EBF2: variants seen among roughly 807,000 people sequenced by gnomAD.
The protein encoded by EBF2 is EBF transcription factor 2.
EBF2 carries 21 observed loss-of-function variants against 72.8 expected under a neutral mutation model. That is an observed-to-expected ratio of 0.29 (90% CI 0.20 to 0.42). EBF2 has a LOEUF of 0.42. EBF2 is among the 10% of genes least tolerant of loss of function. The probability of loss-of-function intolerance (pLI) is 1.00; values close to 1 mark genes in which losing one functional copy is unlikely to be tolerated. For synonymous variants in EBF2, 299 were observed against 274.2 expected, an observed-to-expected ratio of 1.09 and a Z score of -0.89; for missense variants, 637 against 731.2, an observed-to-expected ratio of 0.87 and a Z score of 1.49.
intron 6 of EBF2, among the ~76,000 whole-genome samples, chr8:25,922,767 A>T (rs1803324908): frequency 6.6e-6 from 1 of 152,194 alleles, no homozygotes; most frequent in Non-Finnish European, 1.5e-5. Flanking sequence ...TGAGGCAGAG[A>T]ATTAAATAAA....
chr8:26,033,120 T>C lies in EBF2; in HGVS notation c.516A>G (p.Arg172=), dbSNP rs191826343. The stretch of plus-strand genomic sequence containing the variant: ...TGACTGGGTCCGATGGAGTCTCATT[T>C]CGGTTTCCACAGCTTTTCTTTTCGC... The part of the protein sequence containing the change: ...RCCEKKSCGN[R]NETPSDPVII... Residue 172 remains arginine (R), a synonymous_variant, in exon 6 of 16, where the codon CGA becomes CGG. Transcript: ENST00000520164. The C allele has an allele frequency of 5.6e-5, 91 of 1,614,186 alleles. No individual in the cohort carries two copies. The African/African-American group carries it at 1.1e-3, about 20-fold the overall frequency.
chr8:25,960,871 TC>T (rs1213603822), intron 6 of EBF2, among the ~76,000 whole-genome samples: 1 of 152,226 alleles, frequency 6.6e-6, no homozygotes, highest in Non-Finnish European at 1.5e-5. Flanking sequence ...CTCTTTCAAT[TC>T]CCCTGTGTTA....
intron 14 of EBF2, among the ~76,000 whole-genome samples, chr8:25,852,048 T>C (rs749357962): frequency 1.3e-5 from 2 of 152,202 alleles, no homozygotes; most frequent in African/African-American, 4.8e-5. Flanking sequence ...AAAAACATCT[T>C]ATCCTTAAAG....
intron 6 of EBF2, among the ~76,000 whole-genome samples, chr8:25,911,748 G>A (rs1160942095): frequency 1.3e-5 from 2 of 152,232 alleles, no homozygotes; most frequent in Admixed American, 6.5e-5. Flanking sequence ...GAAAACAAGA[G>A]ACCATGACTT....
intron 14 of EBF2, among the ~76,000 whole-genome samples, chr8:25,855,876 G>A (rs1461039655): frequency 1.3e-5 from 2 of 152,324 alleles, no homozygotes; most frequent in African/African-American, 4.8e-5. Context: ...TAGGTACAGG[G>A]AGGAGGTTTT....
At chr8:25,929,007 A>G (rs991540382) in intron 6 of EBF2, among the ~76,000 whole-genome samples, 1 of 152,328 alleles carries the variant, frequency 6.6e-6, no homozygotes, top group Non-Finnish European at 1.5e-5. Flanking sequence ...TCCACACTCA[A>G]TAACCAGGAG....
At chr8:25,971,283 T>G (rs1163825023) in intron 6 of EBF2, among the ~76,000 whole-genome samples, 2 of 152,062 alleles carry the variant, frequency 1.3e-5, no homozygotes, top group Non-Finnish European at 2.9e-5. Flanking sequence ...GAAAGAGTGA[T>G]GAAAAAATAA....
intron 6 of EBF2, among the ~76,000 whole-genome samples, chr8:25,917,434 A>C (rs1238503879): frequency 1.3e-5 from 2 of 152,168 alleles, no homozygotes; most frequent in Non-Finnish European, 2.9e-5. Context: ...TTCTCACAAA[A>C]TGTCTTTGGA....
chr8:25,957,017 C>T (rs11775931), intron 6 of EBF2, among the ~76,000 whole-genome samples: 45,297 of 152,102 alleles, frequency 0.3, 6,935 homozygotes, highest in Middle Eastern at 0.38. Context: ...TCGAGAATAT[C>T]TGGCAAGGGC....
chr8:25,918,780 G>C (rs1803265243), intron 6 of EBF2, among the ~76,000 whole-genome samples: 1 of 152,160 alleles, frequency 6.6e-6, no homozygotes, highest in Non-Finnish European at 1.5e-5. Flanking sequence ...CATATCCAGA[G>C]GATGGGGTCT....
In EBF2 at chr8:26,033,684, C is replaced by A. The variant is rs187862320; in HGVS notation, c.483-531G>T. The stretch of plus-strand genomic sequence containing the variant: ...TGATGGGTTGATCTGTGCAGCAAAC[C>A]ACCGTGGCACATGTTTACCTGTGTA... On this transcript the variant is annotated intron_variant, in intron 5 of 15. Transcript: ENST00000520164. Among the ~76,000 whole-genome samples the A allele has an allele frequency of 2.6e-5, 4 of 152,184 alleles. No individual in the cohort carries two copies. The East Asian group carries it at 7.7e-4, about 29-fold the overall frequency.
chr8:25,923,097 C>T lies in EBF2; in HGVS notation c.552-14542G>A, dbSNP rs1204294662. ...CTCAAGTGAGCAGCAGGACAGGGTC[C>T]GGAAGCATGGGAAAGAGACAGCCAC... On this transcript the variant is annotated intron_variant, in intron 6 of 15. Coordinates refer to ENST00000520164, the MANE Select transcript of EBF2 (RefSeq NM_022659.4). Among the ~76,000 whole-genome samples the T allele has an allele frequency of 2.6e-5, 4 of 152,120 alleles. No homozygotes were observed. In the East Asian group the frequency reaches 5.8e-4, roughly 22 times the overall value.
At chr8:25,979,587 T>A (rs139953857) in intron 6 of EBF2, among the ~76,000 whole-genome samples, 6 of 152,308 alleles carry the variant, frequency 3.9e-5, no homozygotes, top group African/African-American at 1.4e-4. Context: ...ATTGACCTTC[T>A]CTCTTGATCT....
At chr8:25,989,252 G>A (rs1804509143) in intron 6 of EBF2, among the ~76,000 whole-genome samples, 1 of 152,210 alleles carries the variant, frequency 6.6e-6, no homozygotes, top group African/African-American at 2.4e-5. Context: ...ATAGTAGGAA[G>A]AGGCCCTTCT....
chr8:25,986,019 A>AAAAAAAAAAAAAAAAAAAAAAT (rs1804448320), intron 6 of EBF2, among the ~76,000 whole-genome samples: 1 of 149,740 alleles, frequency 6.7e-6, no homozygotes, highest in African/African-American at 2.5e-5. Context: ...AAAAAAAAAA[A>AAAAAAAAAAAAAAAAAAAAAAT]AAAAAAGTAC....
intron 7 of EBF2, among the ~76,000 whole-genome samples, chr8:25,901,103 T>C (rs1012384309): frequency 2.2e-4 from 33 of 152,216 alleles, no homozygotes; most frequent in South Asian, 8.3e-4. Context: ...CCCATAAAGA[T>C]TGCAAACATT....
At chr8:25,967,745 C>G (rs1037947794) in intron 6 of EBF2, among the ~76,000 whole-genome samples, 2 of 152,164 alleles carry the variant, frequency 1.3e-5, no homozygotes, top group Admixed American at 1.3e-4. Context: ...AGTAGCAATT[C>G]AGACTGCAGC....
At chr8:26,017,163 A>G (rs1460948973) in intron 6 of EBF2, among the ~76,000 whole-genome samples, 1 of 151,796 alleles carries the variant, frequency 6.6e-6, no homozygotes, top group Non-Finnish European at 1.5e-5. Context: ...TTAAAAAAAA[A>G]AAAAAAGACT....
At position 25,842,332 on chromosome 8, in the gene EBF2, T is replaced by C. The variant is rs1302405476; in HGVS notation, c.*2277A>G. ...CTGAATGGTCAAGATGTCTGGTATTTAGTTACACGCATTTTTCGGTGTAAA... is the reference window on the plus strand; with the variant it reads ...CTGAATGGTCAAGATGTCTGGTATTCAGTTACACGCATTTTTCGGTGTAAA... On this transcript the variant is annotated 3_prime_UTR_variant, in exon 16 of 16. Transcript: ENST00000520164. The C allele has an allele frequency of 6.6e-6, 1 of 152,220 alleles. No individual in the cohort carries two copies. The highest frequency in any genetic ancestry group is 1.5e-5 in the Non-Finnish European group (1 of 68,042). 9.4% of individuals were successfully genotyped at this position (152,220 alleles called of 1,614,324 possible). A position where few individuals can be genotyped will look rare whatever the true frequency, so the allele number is the denominator to read the frequency against.
Sources: gnomAD v4.1 joint callset for allele counts (sites outside exome capture counted in the v4.1 genomes callset) on GRCh38, gnomAD v4.1.1 for gene constraint, MANE v1.5 for transcripts, NCBI Gene and HGNC (gene_info 2026-07-23, HGNC 2026-07-21) for gene names.